TLR2: variants seen among roughly 807,000 people sequenced by gnomAD.
The protein encoded by TLR2 is toll-like receptor 2.
In TLR2, 7 loss-of-function variants were observed where a neutral mutation model predicts 9.1. The ratio of observed to expected loss-of-function variants is 0.77; its 90% CI spans 0.44 to 1.44. The LOEUF is 1.44. Ranked by LOEUF, TLR2 falls within the 40% of genes most tolerant of loss-of-function variation. The pLI is 0.01. For missense variants in TLR2, 812 were observed against 904.6 expected (o/e 0.90, Z 1.31); for synonymous variants, 317 against 344.6 (o/e 0.92, Z 0.89).
intron 1 of TLR2, among the ~76,000 whole-genome samples, chr4:153,684,741 CG>C (rs967308778): frequency 2.0e-5 from 3 of 152,068 alleles, no homozygotes; most frequent in Admixed American, 6.5e-5. Flanking sequence ...TTGCAGGCCC[CG>C]GGGGGGTTGC....
intron 2 of TLR2, among the ~76,000 whole-genome samples, chr4:153,700,191 A>C (rs905907296): frequency 2.6e-5 from 4 of 152,306 alleles, no homozygotes; most frequent in East Asian, 1.9e-4. Flanking sequence ...ACACCAAGCC[A>C]TTCATGAGGG....
At position 153,704,373 on chromosome 4, in the gene TLR2, T is replaced by G; in HGVS notation, c.1466T>G (p.Leu489Trp). ...GAACTTTATATTTCCAGAAATAAGTTGATGACTCTACCAGATGCCTCCCTC... is the reference window on the plus strand; with the variant it reads ...GAACTTTATATTTCCAGAAATAAGTGGATGACTCTACCAGATGCCTCCCTC... ...LKELYISRNK[L>W]MTLPDASLLP... The change falls in exon 3 of 3, where the codon TTG becomes TGG. Residue 489 changes from leucine (L) to tryptophan (W), a missense_variant. Leu to Trp is a moderately conservative substitution (Grantham distance 61, BLOSUM62 -2). Transcript: ENST00000642700. 6.2e-7 allele frequency: 1 copy of G among 1,614,100 alleles called. No individual in the cohort carries two copies. Among genetic ancestry groups the G allele is most frequent in the Non-Finnish European group, 8.5e-7 (1 of 1,180,018 alleles).
chr4:153,710,470 G>T, downstream of TLR2: 1 of 1,608,258 alleles, frequency 6.2e-7, no homozygotes. Flanking sequence ...TGTCCATACA[G>T]AAAATGTGTG....
rs111200466 is a variant in TLR2 at position 153,684,311 on chromosome 4, CCAGGCGGCTGCTCGGCGTTCTCT to C, written c.-207_-185del. On this transcript the variant is annotated 5_prime_UTR_variant, in exon 1 of 3. Coordinates refer to ENST00000642700, the MANE Select transcript of TLR2 (RefSeq NM_001318789.2). ...GCTCGGAGGCAGCGAGAAAGCGCAG[CCAGGCGGCTGCTCGGCGTTCTCT>C]CAGGTGACTGCTCGGAGTTCTCCCA... The C allele has an allele frequency of 0.17, 26,199 of 152,400 alleles. 2,362 individuals carry two copies. Among genetic ancestry groups the C allele is most frequent in the East Asian group, 0.3 (1,572 of 5,158 alleles). 9.4% of individuals were successfully genotyped at this position (152,400 alleles called of 1,614,324 possible).
Position 153,704,168 on chromosome 4 carries a change from A to G in TLR2, c.1261A>G (p.Ser421Gly), listed in dbSNP as rs1217173232. 1.2e-6 allele frequency: 2 copies of G among 1,613,720 alleles called. No homozygotes were observed. Among genetic ancestry groups the G allele is most frequent in the East Asian group, 2.2e-5 (1 of 44,872 alleles). The part of the protein sequence containing the change: ...TLKNLTNIDI[S>G]KNSFHSMPET... The stretch of plus-strand genomic sequence containing the variant: ...GAAAAACTTGACTAACATTGATATC[A>G]GTAAGAATAGTTTTCATTCTATGCC... The change falls in exon 3 of 3, where the codon AGT becomes GGT. Residue 421 changes from serine to glycine, a missense_variant. By Grantham distance (56) the Ser-to-Gly change is moderately conservative. Transcript: ENST00000642700.
intron 2 of TLR2, among the ~76,000 whole-genome samples, chr4:153,700,179 G>A (rs968739296): frequency 1.3e-5 from 2 of 152,082 alleles, no homozygotes; most frequent in African/African-American, 4.8e-5. Context: ...ACCATGAAGA[G>A]CACACCAAGC....
chr4:153,701,727 AAAG>A (rs1736903900), intron 2 of TLR2: 2 of 152,148 alleles, frequency 1.3e-5, no homozygotes, highest in African/African-American at 4.8e-5. Context: ...AGGAAAAAAA[AAAG>A]AAAATCCAGA....
chr4:153,696,165 G>C (rs1302867301), intron 2 of TLR2, among the ~76,000 whole-genome samples: 1 of 152,044 alleles, frequency 6.6e-6, no homozygotes, highest in African/African-American at 2.4e-5. Context: ...TGGGTCTTTT[G>C]TGGTTTCATG....
intron 2 of TLR2, 130 bp from the exon 3 acceptor site, chr4:153,702,762 T>TG (rs1736990309): frequency 2.4e-5 from 10 of 417,190 alleles, no homozygotes; most frequent in South Asian, 8.0e-5. Flanking sequence ...CTCTCTCTCT[T>TG]TGTGTGTGTG....
chr4:153,708,674 C>T (rs990880288), downstream of TLR2, among the ~76,000 whole-genome samples: 3 of 152,162 alleles, frequency 2.0e-5, no homozygotes, highest in Admixed American at 6.5e-5. Flanking sequence ...GATAAGCAGG[C>T]AAGGTCCAGC....
rs1475183630 is a variant in TLR2, at chr4:153,702,911, C to T, written c.4C>T (p.Pro2Ser). The change falls in exon 3 of 3, where the codon CCA becomes TCA. Residue 2 changes from proline to serine, a missense_variant. By Grantham distance (74) the Pro-to-Ser change is moderately conservative (BLOSUM62 -1). Transcript: ENST00000642700. Reference protein sequence around the residue: MPHTLWMVWVLG... With the variant: MSHTLWMVWVLG... ...TTGTAGGTTGAAGCACTGGACAATGCCACATACTTTGTGGATGGTGTGGGT... is the reference window on the plus strand; with the variant it reads ...TTGTAGGTTGAAGCACTGGACAATGTCACATACTTTGTGGATGGTGTGGGT... 1.2e-6 allele frequency: 2 copies of T among 1,607,714 alleles called. No individual in the cohort carries two copies. Among genetic ancestry groups the T allele is most frequent in the Non-Finnish European group, 8.5e-7 (1 of 1,176,496 alleles).
intron 1 of TLR2, among the ~76,000 whole-genome samples, chr4:153,684,831 C>T (rs1235263092): frequency 1.3e-5 from 2 of 152,286 alleles, no homozygotes; most frequent in East Asian, 1.9e-4. Context: ...TGGCCCCGGC[C>T]CGGCCCTCCC....
At chr4:153,710,398 C>T (rs187920113), downstream of TLR2, 321 of 1,564,026 alleles carry the variant, frequency 2.1e-4, no homozygotes, top group African/African-American at 3.3e-3. Context: ...TAGATAATGC[C>T]TTGAACTATT....
chr4:153,709,105 A>G (rs1344507259), downstream of TLR2, among the ~76,000 whole-genome samples: 2 of 152,140 alleles, frequency 1.3e-5, no homozygotes, highest in African/African-American at 2.4e-5. Context: ...TCATGACACA[A>G]TAAGTTCAAA....
At chr4:153,709,563 C>G (rs151190203), downstream of TLR2, among the ~76,000 whole-genome samples, 52 of 152,228 alleles carry the variant, frequency 3.4e-4, no homozygotes, top group African/African-American at 1.1e-3. Context: ...GCTCAAAGTG[C>G]AGGGGATATG....
At chr4:153,708,741 C>T (rs777694838), downstream of TLR2, among the ~76,000 whole-genome samples, 1 of 152,050 alleles carries the variant, frequency 6.6e-6, no homozygotes, top group Non-Finnish European at 1.5e-5. Flanking sequence ...TGTTTTCTCC[C>T]CTTTTCAGAT....
rs1023026630 is a variant in TLR2, at chr4:153,706,233, TACTC to T, written c.*973_*976del. Among the ~76,000 whole-genome samples, 1 of 152,182 alleles carries T rather than the reference TACTC, an allele frequency of 6.6e-6. No individual in the cohort carries two copies. The highest frequency in any genetic ancestry group is 2.4e-5 in the African/African-American group (1 of 41,438). ...TATTTCTGTAATTTAACAAAATAAA[TACTC>T]AGTTTAGGAGAATTTGAAAGACACT... On this transcript the variant is annotated 3_prime_UTR_variant, in exon 3 of 3. Transcript: ENST00000642700.
At chr4:153,708,685 A>G (rs528003357), downstream of TLR2, among the ~76,000 whole-genome samples, 1 of 152,312 alleles carries the variant, frequency 6.6e-6, no homozygotes, top group East Asian at 1.9e-4. Flanking sequence ...AAGGTCCAGC[A>G]CAGAAGCCTT....
Position 153,703,206 on chromosome 4 carries a change from G to T in TLR2, c.299G>T (p.Gly100Val). Residue 100 changes from glycine (G) to valine (V), a missense_variant, in exon 3 of 3, where the codon GGC (glycine) becomes GTC (valine). Coordinates refer to ENST00000642700, the MANE Select transcript of TLR2 (RefSeq NM_001318789.2). ...TIEEDSFSSL[G>V]SLEHLDLSYN... ...GAGGAAGATTCTTTTTCTTCCCTGGGCAGTCTTGAACATTTAGACTTATCC... is the reference window on the plus strand; with the variant it reads ...GAGGAAGATTCTTTTTCTTCCCTGGTCAGTCTTGAACATTTAGACTTATCC... 4.3e-6 allele frequency: 7 copies of T among 1,614,134 alleles called. No individual in the cohort carries two copies. The highest frequency in any genetic ancestry group is 5.9e-6 in the Non-Finnish European group (7 of 1,180,016).
Sources: allele counts gnomAD v4.1 joint callset (sites outside exome capture counted in the v4.1 genomes callset), GRCh38; gene constraint gnomAD v4.1.1; transcripts MANE v1.5; gene names NCBI Gene and HGNC (gene_info 2026-07-23, HGNC 2026-07-21).